The following ELMO1 variants were observed in gnomAD, a reference collection of about 807,000 sequenced individuals.
ELMO1 encodes the protein engulfment and cell motility protein 1.
Under a neutral mutation model 98.9 loss-of-function variants are expected in ELMO1, and 26 were observed. The observed-to-expected ratio is 0.26, with a 90% CI of 0.19 to 0.36. The LOEUF is 0.36. Among genes scored for constraint, ELMO1 ranks in the 10% least tolerant of loss-of-function variants. The pLI, the probability that ELMO1 is intolerant of heterozygous loss-of-function variation, is 1.00. For missense variants in ELMO1, 627 were observed against 935.2 expected (o/e 0.67, Z 4.30); for synonymous variants, 346 against 346.0 (o/e 1.00, Z 0.00).
chr7:36,887,448 G>A, intron 18 of ELMO1, 112 bp downstream of exon 18: 2 of 896,970 alleles, frequency 2.2e-6, no homozygotes, highest in South Asian at 3.3e-5. Context: ...TTCCTGTCCT[G>A]AGTACAATGC....
chr7:37,410,146 CAG>C (rs1430031455), intron 1 of ELMO1, among the ~76,000 whole-genome samples: 18 of 152,296 alleles, frequency 1.2e-4, no homozygotes, highest in African/African-American at 3.4e-4. Context: ...TGCTCTAGCT[CAG>C]AGAGTCTCTA....
chr7:37,164,092 T>C (rs1314562043), intron 13 of ELMO1, among the ~76,000 whole-genome samples: 1 of 152,226 alleles, frequency 6.6e-6, no homozygotes, highest in African/African-American at 2.4e-5. Context: ...TGGCCAGTGA[T>C]GATGAGCATT....
At chr7:37,335,203 C>G (rs972843040) in intron 2 of ELMO1, among the ~76,000 whole-genome samples, 4 of 152,244 alleles carry the variant, frequency 2.6e-5, no homozygotes, top group African/African-American at 4.8e-5. Flanking sequence ...GGAGAAAAGA[C>G]TGCATTATAA....
intron 17 of ELMO1, among the ~76,000 whole-genome samples, chr7:36,892,724 C>T (rs911629377): frequency 2.6e-5 from 4 of 152,152 alleles, no homozygotes; most frequent in African/African-American, 9.7e-5. Context: ...TCGCAGCTAC[C>T]CTCTGCCGGC....
rs1303465183 is a variant in ELMO1 at position 37,342,250 on chromosome 7, A to C, written c.78+363T>G. 6.6e-5 allele frequency among the ~76,000 whole-genome samples: 10 copies of C among 152,214 alleles called. No homozygotes were observed. The highest frequency in any genetic ancestry group is 1.3e-4 in the Non-Finnish European group (9 of 68,042). ...TGAAAAAAAAGGGATTTTAAAAATTAAGTTTTGTCTTGCCTGTGTTCCAAC... is the reference window on the plus strand; with the variant it reads ...TGAAAAAAAAGGGATTTTAAAAATTCAGTTTTGTCTTGCCTGTGTTCCAAC... On this transcript the variant is annotated intron_variant, in intron 2 of 21. Transcript: ENST00000310758. The surrounding 1 kb of genome is among the most constrained non-coding windows in gnomAD (Gnocchi z 4.3).
At chr7:36,871,172 C>T (rs538948755) in intron 19 of ELMO1, among the ~76,000 whole-genome samples, 2 of 152,182 alleles carry the variant, frequency 1.3e-5, no homozygotes, top group Admixed American at 6.5e-5. Context: ...TCATGTCTTA[C>T]TCTGGAGTTG....
At chr7:37,130,206 C>T (rs1786815568) in intron 14 of ELMO1, among the ~76,000 whole-genome samples, 1 of 152,132 alleles carries the variant, frequency 6.6e-6, no homozygotes. Context: ...ACCCCCCACC[C>T]CACCACCACC....
chr7:37,154,597 G>A (rs549989276), intron 13 of ELMO1, among the ~76,000 whole-genome samples: 20 of 152,150 alleles, frequency 1.3e-4, no homozygotes, highest in African/African-American at 2.7e-4. Flanking sequence ...GAAAAAGAGC[G>A]AGAAGACAAG....
chr7:36,946,492 T>G (rs1787497019), intron 16 of ELMO1, among the ~76,000 whole-genome samples: 1 of 152,224 alleles, frequency 6.6e-6, no homozygotes, highest in Non-Finnish European at 1.5e-5. Flanking sequence ...TCTTTGTAAT[T>G]TAATCTTCAA....
At chr7:37,396,951 A>G (rs1475511045) in intron 1 of ELMO1, among the ~76,000 whole-genome samples, 1 of 152,238 alleles carries the variant, frequency 6.6e-6, no homozygotes, top group Admixed American at 6.5e-5. Context: ...GCTTGCACTA[A>G]GAAAAAGAAC....
chr7:36,880,604 C>T (rs1205750568), intron 18 of ELMO1, among the ~76,000 whole-genome samples: 2 of 152,110 alleles, frequency 1.3e-5, no homozygotes, highest in Non-Finnish European at 2.9e-5. Flanking sequence ...ATCATTAGAA[C>T]GGAAGGTAGA....
At chr7:37,018,786 T>C (rs529744164) in intron 15 of ELMO1, among the ~76,000 whole-genome samples, 44 of 152,340 alleles carry the variant, frequency 2.9e-4, no homozygotes, top group African/African-American at 7.9e-4. Flanking sequence ...TAGTTACTAT[T>C]TGTAATCAAG....
chr7:37,434,633 A>C (rs1805070473), intron 1 of ELMO1, among the ~76,000 whole-genome samples: 1 of 152,198 alleles, frequency 6.6e-6, no homozygotes, highest in Non-Finnish European at 1.5e-5. Context: ...AAAACTCTTC[A>C]GTCACTTCCC....
chr7:37,002,444 G>A (rs1279045819), intron 16 of ELMO1, among the ~76,000 whole-genome samples: 2 of 152,200 alleles, frequency 1.3e-5, no homozygotes, highest in African/African-American at 2.4e-5. Flanking sequence ...GGTGAGAGAA[G>A]AGGAAGACAG....
chr7:36,984,613 A>AT (rs1226065012), intron 16 of ELMO1, among the ~76,000 whole-genome samples: 2 of 152,204 alleles, frequency 1.3e-5, no homozygotes, highest in African/African-American at 2.4e-5. Context: ...GCAAAAGGAC[A>AT]TTTTTTAAAA....
chr7:37,232,830 C>T (rs963644220), intron 8 of ELMO1, among the ~76,000 whole-genome samples: 2 of 152,202 alleles, frequency 1.3e-5, no homozygotes, highest in African/African-American at 4.8e-5. Flanking sequence ...GGAATTAACA[C>T]ACTTGTGCAG....
intron 7 of ELMO1, 36 bp from the exon 8 acceptor site, chr7:37,233,230 C>T (rs1794280579): frequency 6.4e-7 from 1 of 1,571,524 alleles, no homozygotes; most frequent in Admixed American, 1.9e-5. Flanking sequence ...GTCAAGAGCC[C>T]CAAAGCTGAG....
At chr7:37,006,172 C>T (rs966052373) in intron 16 of ELMO1, among the ~76,000 whole-genome samples, 4 of 152,170 alleles carry the variant, frequency 2.6e-5, no homozygotes, top group South Asian at 4.1e-4. Context: ...TAAAGTTCAA[C>T]GCACCCCCAT....
At chr7:37,265,354 C>T (rs1796182297) in intron 5 of ELMO1, among the ~76,000 whole-genome samples, 1 of 152,168 alleles carries the variant, frequency 6.6e-6, no homozygotes, top group East Asian at 1.9e-4. Context: ...TGTAGTAGAA[C>T]ATTTCCAGCT....
Sources: allele counts gnomAD v4.1 joint callset (sites outside exome capture counted in the v4.1 genomes callset), GRCh38; gene constraint gnomAD v4.1.1; non-coding constraint Gnocchi (gnomAD v3.1); transcripts MANE v1.5; gene names NCBI Gene and HGNC (gene_info 2026-07-23, HGNC 2026-07-21).